The following GRM5 variants were observed in gnomAD, a reference collection of about 807,000 sequenced individuals.
GRM5 encodes the protein glutamate metabotropic receptor 5, also known as metabotropic glutamate receptor 5.
Under a neutral mutation model 83.1 loss-of-function variants are expected in GRM5, and 19 were observed. The observed-to-expected ratio is 0.23, with a 90% CI of 0.16 to 0.34. The LOEUF is 0.34. GRM5 is among the 10% of genes least tolerant of loss of function. GRM5 has a pLI of 1.00. For missense variants in GRM5, 1,160 were observed against 1,588.3 expected (o/e 0.73, Z 4.58); for synonymous variants, 675 against 633.6 (o/e 1.07, Z -0.98).
chr11:88,645,277 A>G (rs1210572620), intron 4 of GRM5, among the ~76,000 whole-genome samples: 1 of 152,136 alleles, frequency 6.6e-6, no homozygotes, highest in Non-Finnish European at 1.5e-5. Context: ...AAAAGAAGAC[A>G]AAAGGTAAAT....
chr11:88,707,318 T>C (rs1941184634), intron 3 of GRM5, among the ~76,000 whole-genome samples: 1 of 152,118 alleles, frequency 6.6e-6, no homozygotes, highest in South Asian at 2.1e-4. Context: ...TCTATATAAG[T>C]ATATCCTAAT....
At chr11:88,894,227 C>T (rs143989985) in intron 2 of GRM5, among the ~76,000 whole-genome samples, 7,316 of 152,010 alleles carry the variant, frequency 0.048, 254 homozygotes, top group Non-Finnish European at 0.079. Context: ...CATACATGAT[C>T]GAACCAATCT....
chr11:89,043,179 T>A (rs1941570064), intron 2 of GRM5, among the ~76,000 whole-genome samples: 1 of 152,136 alleles, frequency 6.6e-6, no homozygotes. Flanking sequence ...CTAACACAAA[T>A]TCCTCTATTC....
rs746777154 is a variant in GRM5, at chr11:88,597,235, G to T, written c.1512C>A (p.Ser504Arg). Residue 504 changes from serine (S) to arginine (R), a missense_variant, in exon 6 of 10, where the codon AGC becomes AGA. By Grantham distance (110) the Ser-to-Arg change is moderately radical. Transcript: ENST00000305447. ...MDDDEVWSKK[S>R]NIIRSVCSEP... ...CACTGCACACAGATCTGATGATGTT[G>T]CTTTTCTTGGACCATACTTCATCAT... 19 of 1,609,690 alleles carry T rather than the reference G, an allele frequency of 1.2e-5. No homozygotes were observed. Among genetic ancestry groups the T allele is most frequent in the Non-Finnish European group, 1.6e-5 (19 of 1,176,958 alleles).
intron 3 of GRM5, among the ~76,000 whole-genome samples, chr11:88,668,128 TATGAAAC>T (rs1940091551): frequency 6.6e-6 from 1 of 152,054 alleles, no homozygotes; most frequent in African/African-American, 2.4e-5. Context: ...AGTATTAAAT[TATGAAAC>T]AGAAACAAAC....
At position 88,955,216 on chromosome 11, in the gene GRM5, C is replaced by A. The variant is rs559995029; in HGVS notation, c.661+91996G>T. Reference sequence around the variant, plus strand: ...GAAGGAGTTTACTGTTATCATTCTTCAAGAATAAAAAGAGCTGGGACAATT... The same window carrying A: ...GAAGGAGTTTACTGTTATCATTCTTAAAGAATAAAAAGAGCTGGGACAATT... On this transcript the variant is annotated intron_variant, in intron 2 of 9. Transcript: ENST00000305447. 2.0e-4 allele frequency among the ~76,000 whole-genome samples: 30 copies of A among 152,250 alleles called. No individual in the cohort carries two copies. In the East Asian group the frequency reaches 5.6e-3, roughly 28 times the overall value.
chr11:88,917,556 C>G (rs1308472341), intron 2 of GRM5, among the ~76,000 whole-genome samples: 3 of 152,138 alleles, frequency 2.0e-5, no homozygotes, highest in Non-Finnish European at 4.4e-5. Flanking sequence ...CTCAAAATAG[C>G]TGTTTTGAAG....
chr11:88,966,007 C>G (rs1388036678), intron 2 of GRM5, among the ~76,000 whole-genome samples: 1 of 152,032 alleles, frequency 6.6e-6, no homozygotes, highest in African/African-American at 2.4e-5. Context: ...ATAGGAAATT[C>G]AACAGACTTT....
intron 2 of GRM5, among the ~76,000 whole-genome samples, chr11:88,877,885 TGGGAGAGATATCTAATGCTAGATGACGAG>T (rs1944885608): frequency 6.6e-6 from 1 of 150,378 alleles, no homozygotes; most frequent in African/African-American, 2.4e-5. Context: ...GGGACAGCAT[TGGGAGAGATATCTAATGCTAGATGACGAG>T]TTAGTGGGTG....
intron 2 of GRM5, among the ~76,000 whole-genome samples, chr11:89,036,953 A>C (rs1252928056): frequency 2.6e-5 from 4 of 152,092 alleles, no homozygotes; most frequent in Admixed American, 6.5e-5. Flanking sequence ...AAGAAGTCTA[A>C]ATTTTAGACT....
At chr11:88,689,548 G>A (rs141297069) in intron 3 of GRM5, among the ~76,000 whole-genome samples, 186 of 152,318 alleles carry the variant, frequency 1.2e-3, no homozygotes, top group Non-Finnish European at 2.2e-3. Flanking sequence ...GTATACTGCA[G>A]ATAAACTGGC....
intron 2 of GRM5, among the ~76,000 whole-genome samples, chr11:88,985,702 A>G (rs989509021): frequency 3.3e-5 from 5 of 152,190 alleles, no homozygotes; most frequent in Non-Finnish European, 7.4e-5. Flanking sequence ...TTGCAATGTC[A>G]GTATTATTAT....
chr11:88,794,558 C>A (rs1434240044), intron 3 of GRM5, among the ~76,000 whole-genome samples: 1 of 152,076 alleles, frequency 6.6e-6, no homozygotes, highest in Non-Finnish European at 1.5e-5. Flanking sequence ...GCAAAATGAT[C>A]AGTTAGAAAT....
intron 2 of GRM5, among the ~76,000 whole-genome samples, chr11:88,927,747 C>G (rs1210910869): frequency 6.6e-6 from 1 of 152,038 alleles, no homozygotes; most frequent in Non-Finnish European, 1.5e-5. Context: ...TTTTAAGTTT[C>G]TATTTTCTCT....
intron 2 of GRM5, among the ~76,000 whole-genome samples, chr11:89,042,638 C>T (rs1018034828): frequency 2.0e-5 from 3 of 152,088 alleles, no homozygotes; most frequent in Admixed American, 6.5e-5. Context: ...TCAGTAGCTT[C>T]CACAGTACCA....
At chr11:88,899,052 A>C (rs1397239532) in intron 2 of GRM5, among the ~76,000 whole-genome samples, 1 of 151,902 alleles carries the variant, frequency 6.6e-6, no homozygotes, top group East Asian at 1.9e-4. Context: ...GTACATTCTC[A>C]TTATTGTTAC....
At chr11:88,751,072 C>CAAAAAAAAAAAAAAAAA (rs774458890) in intron 3 of GRM5, among the ~76,000 whole-genome samples, 44 of 47,338 alleles carry the variant, frequency 9.3e-4, no homozygotes, top group African/African-American at 2.1e-3. Flanking sequence ...TAGCAGAAGC[C>CAAAAAAAAAAAAAAAAA]AAAAAAAAAA....
At chr11:88,955,577 C>T (rs1938584230) in intron 2 of GRM5, among the ~76,000 whole-genome samples, 1 of 152,138 alleles carries the variant, frequency 6.6e-6, no homozygotes, top group South Asian at 2.1e-4. Context: ...GCTTAAAATG[C>T]TTTTTTTCTA....
chr11:88,715,172 T>G (rs1941372661), intron 3 of GRM5, among the ~76,000 whole-genome samples: 1 of 152,058 alleles, frequency 6.6e-6, no homozygotes, highest in Non-Finnish European at 1.5e-5. Context: ...GTGCTTAAAA[T>G]AGTACCTGTT....
Sources: gnomAD v4.1 joint callset for allele counts (sites outside exome capture counted in the v4.1 genomes callset) on GRCh38, gnomAD v4.1.1 for gene constraint, MANE v1.5 for transcripts, NCBI Gene and HGNC (gene_info 2026-07-23, HGNC 2026-07-21) for gene names.